SIGLEC15: variants seen among roughly 807,000 people sequenced by gnomAD.
The protein encoded by SIGLEC15 is sialic acid-binding Ig-like lectin 15.
Under a neutral mutation model 26.2 loss-of-function variants are expected in SIGLEC15, and 31 were observed. That is an observed-to-expected ratio of 1.18 (90% confidence interval 0.89 to 1.60). SIGLEC15 has a LOEUF of 1.60. SIGLEC15 is among the 40% of genes most tolerant of loss of function. SIGLEC15 has a pLI of 0.00. For synonymous variants in SIGLEC15, 207 were observed against 221.9 expected, an observed-to-expected ratio of 0.93 and a Z score of 0.60; for missense variants, 501 against 488.4, an observed-to-expected ratio of 1.03 and a Z score of -0.24.
intron 5 of SIGLEC15, among the ~76,000 whole-genome samples, chr18:45,841,571 T>C (rs926908784): frequency 1.6e-3 from 238 of 151,024 alleles, no homozygotes; most frequent in African/African-American, 5.5e-3. Flanking sequence ...GGTGCAGGGG[T>C]GGCGGTGGGG....
At position 45,827,566 on chromosome 18, in the gene SIGLEC15, G is replaced by A. The variant is rs186188468; in HGVS notation, c.52+1786G>A. Among the ~76,000 whole-genome samples the A allele has an allele frequency of 2.0e-4, 30 of 152,334 alleles. 1 individual carries two copies. The East Asian group carries it at 4.6e-3, about 24-fold the overall frequency. On this transcript the variant is annotated intron_variant, in intron 1 of 5. Transcript: ENST00000389474. Reference sequence around the variant, plus strand: ...CTGAAGCCCACCTCTGCTGTTTGCTGTTTACTGGCTGCATGGCCTTGGGCA... The same window carrying A: ...CTGAAGCCCACCTCTGCTGTTTGCTATTTACTGGCTGCATGGCCTTGGGCA...
At chr18:45,830,537 A>G (rs1008038253) in intron 1 of SIGLEC15, among the ~76,000 whole-genome samples, 8 of 151,876 alleles carry the variant, frequency 5.3e-5, no homozygotes, top group African/African-American at 1.9e-4. Context: ...CAGTTTTCTG[A>G]ATACCTAAAA....
intron 5 of SIGLEC15, among the ~76,000 whole-genome samples, chr18:45,840,668 C>T (rs1482207980): frequency 6.6e-6 from 1 of 152,252 alleles, no homozygotes; most frequent in Non-Finnish European, 1.5e-5. Context: ...GGGTCATACT[C>T]TCCTCTTCTG....
chr18:45,837,086 A>C lies in SIGLEC15; in HGVS notation c.110A>C (p.His37Pro). Residue 37 changes from histidine to proline, a missense_variant and splice_region_variant, in exon 2 of 6, where the codon CAC becomes CCC. Physicochemically the swap from His to Pro is moderately conservative, Grantham distance 77. Transcript: ENST00000389474. ...TTENLLNTEV[H>P]SSPAQRWSMQ... ...GAGAACTTGCTCAACACAGAGGTGC[A>C]CAGTAAGTGCTTTTATTATTATCAC... 6.2e-7 allele frequency: 1 copy of C among 1,612,556 alleles called. No homozygotes were observed. The highest frequency in any genetic ancestry group is 8.5e-7 in the Non-Finnish European group (1 of 1,178,966).
Position 45,837,644 on chromosome 18 carries a change from C to A in SIGLEC15, c.244C>A (p.Arg82Ser). ...HYDGPLTAIW[R>S]AGEPYAGPQV... Reference sequence around the variant, plus strand: ...CGACGGGCCGCTGACGGCCATCTGGCGCGCGGGCGAGCCCTATGCGGGCCC... The same window carrying A: ...CGACGGGCCGCTGACGGCCATCTGGAGCGCGGGCGAGCCCTATGCGGGCCC... Residue 82 changes from arginine to serine, a missense_variant, in exon 3 of 6, where the codon CGC (arginine) becomes AGC (serine). By Grantham distance (110) the Arg-to-Ser change is moderately radical (BLOSUM62 -1). Transcript: ENST00000389474. 1.3e-6 allele frequency: 2 copies of A among 1,506,708 alleles called. No homozygotes were observed. Among genetic ancestry groups the A allele is most frequent in the African/African-American group, 1.4e-5 (1 of 69,266 alleles). 93.3% of individuals were successfully genotyped at this position (1,506,708 alleles called of 1,614,324 possible).
At chr18:45,841,662 T>C (rs1251562717) in intron 5 of SIGLEC15, among the ~76,000 whole-genome samples, 5 of 151,802 alleles carry the variant, frequency 3.3e-5, no homozygotes, top group Admixed American at 3.3e-4. Context: ...GCTGCCGGGG[T>C]TGGGAGCCTG....
intron 1 of SIGLEC15, among the ~76,000 whole-genome samples, chr18:45,826,419 T>C (rs1255401954): frequency 6.6e-6 from 1 of 152,066 alleles, no homozygotes; most frequent in East Asian, 1.9e-4. Context: ...GAGAGGGCAT[T>C]TGCTAAAATG....
intron 1 of SIGLEC15, among the ~76,000 whole-genome samples, chr18:45,832,130 T>C (rs1276097792): frequency 6.6e-6 from 1 of 152,236 alleles, no homozygotes; most frequent in Non-Finnish European, 1.5e-5. Flanking sequence ...AACTAACACA[T>C]ATGGAGCATT....
intron 5 of SIGLEC15, 87 bp from the exon 6 acceptor site, chr18:45,842,019 C>T (rs2048328338): frequency 2.4e-6 from 3 of 1,233,304 alleles, no homozygotes; most frequent in Non-Finnish European, 3.6e-6. Flanking sequence ...AATGTCTCCT[C>T]TTCTTGGCCC....
At chr18:45,836,181 G>A (rs950029441) in intron 1 of SIGLEC15, among the ~76,000 whole-genome samples, 2 of 152,132 alleles carry the variant, frequency 1.3e-5, no homozygotes, top group Non-Finnish European at 2.9e-5. Flanking sequence ...AAGAGCACTG[G>A]GCTTGGGGTC....
rs1306774394 is a variant in SIGLEC15, at chr18:45,842,810, A to C, written c.*623A>C. ...TTTGCAGAGTGACCTTTGGACGTGC[A>C]GTCAGTTCTTGGAGAAGTGTGGCCC... On this transcript the variant is annotated 3_prime_UTR_variant, in exon 6 of 6. Coordinates refer to ENST00000389474, the MANE Select transcript of SIGLEC15 (RefSeq NM_213602.3). 6.5e-6 allele frequency: 1 copy of C among 153,056 alleles called. No homozygotes were observed. The highest frequency in any genetic ancestry group is 2.4e-5 in the African/African-American group (1 of 41,468). 9.5% of individuals were successfully genotyped at this position (153,056 alleles called of 1,614,324 possible). A position where few individuals can be genotyped will look rare whatever the true frequency, so the allele number is the denominator to read the frequency against.
chr18:45,842,025 G>A, intron 5 of SIGLEC15, 81 bp from the exon 6 acceptor site: 1 of 1,270,734 alleles, frequency 7.9e-7, no homozygotes, highest in Non-Finnish European at 1.2e-6. Context: ...TCCTCTTCTT[G>A]GCCCACTGCT....
intron 2 of SIGLEC15, 89 bp downstream of exon 2, chr18:45,837,177 T>G: frequency 6.4e-7 from 1 of 1,560,620 alleles, no homozygotes; most frequent in South Asian, 1.2e-5. Context: ...AGGGCAGGTT[T>G]TGATGGGGAA....
intron 1 of SIGLEC15, chr18:45,829,158 G>T: frequency 4.1e-6 from 4 of 985,472 alleles, no homozygotes; most frequent in Non-Finnish European, 4.8e-6. Flanking sequence ...GGGTCAGCCT[G>T]TGGCCCTGCC....
At chr18:45,839,346 T>C (rs1568081959) in intron 4 of SIGLEC15, among the ~76,000 whole-genome samples, 2 of 152,170 alleles carry the variant, frequency 1.3e-5, no homozygotes, top group Admixed American at 6.5e-5. Flanking sequence ...CACAGAGATA[T>C]AGAGACCCAG....
Position 45,837,505 on chromosome 18 carries a change from G to A in SIGLEC15, c.113-8G>A, listed in dbSNP as rs766694654. 2 of 1,482,600 alleles carry A rather than the reference G, an allele frequency of 1.3e-6. No individual in the cohort carries two copies. Among genetic ancestry groups the A allele is most frequent in the South Asian group, 1.3e-5 (1 of 77,286 alleles). 91.8% of individuals were successfully genotyped at this position (1,482,600 alleles called of 1,614,324 possible). A position where few individuals can be genotyped will look rare whatever the true frequency, so the allele number is the denominator to read the frequency against. On this transcript the variant is annotated splice_polypyrimidine_tract_variant and splice_region_variant and intron_variant, in intron 2 of 5. Transcript: ENST00000389474. ...CCCCGAGCCTGACGCAGCCCGCCCC[G>A]CCCTCAGGCTCGCCAGCGCAGCGCT...
chr18:45,826,444 C>G (rs545388802), intron 1 of SIGLEC15, among the ~76,000 whole-genome samples: 166 of 152,288 alleles, frequency 1.1e-3, no homozygotes, highest in African/African-American at 3.9e-3. Flanking sequence ...TTCTTTGGCT[C>G]CACCCCAGAC....
chr18:45,842,528 T>A lies in SIGLEC15; in HGVS notation c.*341T>A, dbSNP rs1037481626. 1.5e-5 allele frequency: 4 copies of A among 261,022 alleles called. No homozygotes were observed. The highest frequency in any genetic ancestry group is 2.2e-5 in the Non-Finnish European group (3 of 134,260). The allele number at this position is 261,022 out of a possible 1,614,324, so 16.2% of individuals were successfully genotyped here. A position where few individuals can be genotyped will look rare whatever the true frequency, so the allele number is the denominator to read the frequency against. On this transcript the variant is annotated 3_prime_UTR_variant, in exon 6 of 6. Transcript: ENST00000389474. The stretch of plus-strand genomic sequence containing the variant: ...CTTGCCCTTTCTTACCTAGAACACC[T>A]GCTATAGTAAAGCAGACAGGAAACT...
In SIGLEC15 at chr18:45,825,764, G is replaced by A. The variant is rs150984553; in HGVS notation, c.36G>A (p.Ala12=). ...EKSIWLLACL[A]WVLPTGSFVR... is the part of the protein sequence containing the mutation. ...CCATCTGGCTGCTGGCCTGCTTGGC[G>A]TGGGTTCTCCCGACAGGTGAGTGTC... Residue 12 remains alanine (A), a synonymous_variant, in exon 1 of 6, where the codon GCG becomes GCA. Transcript: ENST00000389474. 2,398 of 1,614,244 alleles carry A rather than the reference G, an allele frequency of 1.5e-3. 37 individuals carry two copies. The Admixed American group carries it at 0.03, about 21-fold the overall frequency.
Sources: gnomAD v4.1 joint callset for allele counts (sites outside exome capture counted in the v4.1 genomes callset) on GRCh38, gnomAD v4.1.1 for gene constraint, MANE v1.5 for transcripts, NCBI Gene and HGNC (gene_info 2026-07-23, HGNC 2026-07-21) for gene names.